Variants in ESRRG observed in about 807,000 individuals in gnomAD.
ESRRG encodes the protein estrogen related receptor gamma.
In ESRRG, 13 loss-of-function variants were observed where a neutral mutation model predicts 44.0. The ratio of observed to expected loss-of-function variants is 0.30; its 90% CI spans 0.19 to 0.47. The LOEUF (loss-of-function observed/expected upper bound fraction) is 0.47. Among genes scored for constraint, ESRRG ranks in the 20% least tolerant of loss-of-function variants. ESRRG has a pLI of 1.00. For missense variants in ESRRG, 395 were observed against 580.6 expected (o/e 0.68, Z 3.29); for synonymous variants, 215 against 214.6 (o/e 1.00, Z -0.02).
At chr1:216,643,319 A>G (rs1238550298) in intron 3 of ESRRG, among the ~76,000 whole-genome samples, 1 of 152,198 alleles carries the variant, frequency 6.6e-6, no homozygotes, top group Non-Finnish European at 1.5e-5. Context: ...CTGTGTTGAG[A>G]TCACTCAGAA....
At chr1:216,580,726 A>T (rs747698771) in intron 3 of ESRRG, among the ~76,000 whole-genome samples, 3 of 152,220 alleles carry the variant, frequency 2.0e-5, no homozygotes, top group Non-Finnish European at 1.5e-5. Flanking sequence ...GTACTTAAAA[A>T]GATGGAATTG....
At chr1:217,091,585 G>A (rs2092346572), upstream of ESRRG, among the ~76,000 whole-genome samples, 1 of 152,332 alleles carries the variant, frequency 6.6e-6, no homozygotes, top group South Asian at 2.1e-4. Flanking sequence ...ACTATTGACT[G>A]ATGGCCAGAT....
chr1:216,798,806 G>A lies in ESRRG; in HGVS notation c.-13-121315C>T, dbSNP rs187490310. Reference sequence around the variant, plus strand: ...CCTTAGTTTCTTCATCTTTACAAGCGGGATAATAATACACCTACCTATGGA... The same window carrying A: ...CCTTAGTTTCTTCATCTTTACAAGCAGGATAATAATACACCTACCTATGGA... On this transcript the variant is annotated intron_variant, in intron 2 of 7. Transcript: ENST00000359162. Among the ~76,000 whole-genome samples, 212 of 152,188 alleles carry A rather than the reference G, an allele frequency of 1.4e-3. 1 individual carries two copies. The highest frequency in any genetic ancestry group is 4.7e-3 in the African/African-American group (195 of 41,526).
chr1:217,105,470 G>A (rs190160740), intron 1 of ESRRG, among the ~76,000 whole-genome samples: 1 of 152,150 alleles, frequency 6.6e-6, no homozygotes, highest in Non-Finnish European at 1.5e-5. Context: ...GGATCGAGCT[G>A]TTCATCTCCC....
intron 1 of ESRRG, among the ~76,000 whole-genome samples, chr1:217,110,560 C>T (rs1580602298): frequency 6.6e-6 from 1 of 152,044 alleles, no homozygotes; most frequent in East Asian, 1.9e-4. Context: ...TCTAGGGAAG[C>T]CTTAAGAAGC....
intron 1 of ESRRG, among the ~76,000 whole-genome samples, chr1:217,067,012 A>C (rs1348038440): frequency 6.6e-6 from 1 of 152,234 alleles, no homozygotes; most frequent in Non-Finnish European, 1.5e-5. Context: ...CCATTGCCTA[A>C]CAGGAACAGT....
At chr1:216,578,763 A>T (rs1032851580) in intron 3 of ESRRG, among the ~76,000 whole-genome samples, 2 of 152,148 alleles carry the variant, frequency 1.3e-5, no homozygotes, top group African/African-American at 4.8e-5. Flanking sequence ...TTCTGTAGAA[A>T]TTCAGAAATT....
At chr1:217,001,997 ATT>A (rs34955630) in intron 1 of ESRRG, among the ~76,000 whole-genome samples, 20 of 150,532 alleles carry the variant, frequency 1.3e-4, no homozygotes, top group African/African-American at 3.9e-4. Flanking sequence ...CACCATTATA[ATT>A]TTTTTTTTAA....
At chr1:216,560,589 A>G (rs993395644) in intron 5 of ESRRG, among the ~76,000 whole-genome samples, 1 of 152,138 alleles carries the variant, frequency 6.6e-6, no homozygotes, top group African/African-American at 2.4e-5. Context: ...ATTTTAATCA[A>G]CCAAAAAGAA....
intron 1 of ESRRG, among the ~76,000 whole-genome samples, chr1:217,034,019 T>C (rs1326465533): frequency 6.6e-6 from 1 of 152,160 alleles, no homozygotes; most frequent in Non-Finnish European, 1.5e-5. Flanking sequence ...ACTGGCTTGA[T>C]TTTTGACTGC....
chr1:216,909,255 C>CAA (rs2060041464), intron 2 of ESRRG, among the ~76,000 whole-genome samples: 1 of 152,132 alleles, frequency 6.6e-6, no homozygotes, highest in Admixed American at 6.5e-5. Flanking sequence ...AAATCTCAAT[C>CAA]AAAAGCACAT....
chr1:216,928,310 C>A (rs1207730949), intron 2 of ESRRG, among the ~76,000 whole-genome samples: 1 of 152,144 alleles, frequency 6.6e-6, no homozygotes, highest in Non-Finnish European at 1.5e-5. Context: ...CCAGTGTCTC[C>A]TCTCAGAGGA....
chr1:216,784,776 T>G (rs1351699726), intron 2 of ESRRG, among the ~76,000 whole-genome samples: 1 of 152,084 alleles, frequency 6.6e-6, no homozygotes, highest in African/African-American at 2.4e-5. Context: ...TTGGTTAGTC[T>G]CTGTGTTATT....
intron 3 of ESRRG, among the ~76,000 whole-genome samples, chr1:216,586,480 T>C (rs1053516687): frequency 1.3e-5 from 2 of 152,022 alleles, no homozygotes; most frequent in African/African-American, 4.8e-5. Flanking sequence ...ATTTCCGAAA[T>C]ATAATATGTA....
chr1:216,811,234 G>A (rs182657998), intron 2 of ESRRG, among the ~76,000 whole-genome samples: 11 of 151,744 alleles, frequency 7.2e-5, no homozygotes, highest in African/African-American at 1.2e-4. Flanking sequence ...TCATTTAGTC[G>A]TTATCATCTC....
chr1:216,912,222 A>G lies in ESRRG; in HGVS notation c.-14+27360T>C, dbSNP rs199593204. 1.0e-3 allele frequency among the ~76,000 whole-genome samples: 42 copies of G among 41,900 alleles called. No homozygotes were observed. In the South Asian group the frequency reaches 0.01, roughly 10 times the overall value. 27.5% of individuals were successfully genotyped at this position (41,900 alleles called of 152,430 possible). A position where few individuals can be genotyped will look rare whatever the true frequency, so the allele number is the denominator to read the frequency against. On this transcript the variant is annotated intron_variant, in intron 2 of 7. Coordinates refer to the ESRRG transcript ENST00000359162. ...AGAGGAGAGGAGAGGAGAGGAGAGGAGAGGAGAGGAGAGGAGAGGAGAGGA... is the reference window on the plus strand; with the variant it reads ...AGAGGAGAGGAGAGGAGAGGAGAGGGGAGGAGAGGAGAGGAGAGGAGAGGA...
At chr1:216,542,574 T>C (rs1051110931) in intron 5 of ESRRG, among the ~76,000 whole-genome samples, 2 of 152,014 alleles carry the variant, frequency 1.3e-5, no homozygotes, top group Non-Finnish European at 2.9e-5. Flanking sequence ...AAAACTATTA[T>C]TTTGTAGCAT....
intron 3 of ESRRG, among the ~76,000 whole-genome samples, chr1:216,647,709 C>T (rs1197789102): frequency 3.3e-5 from 5 of 152,112 alleles, no homozygotes; most frequent in African/African-American, 4.8e-5. Context: ...ATAGAAATGC[C>T]AGTCAATAAA....
At chr1:216,708,527 C>T (rs148895055) in intron 1 of ESRRG, among the ~76,000 whole-genome samples, 2 of 152,082 alleles carry the variant, frequency 1.3e-5, no homozygotes, top group Non-Finnish European at 2.9e-5. Context: ...CCATCTCACG[C>T]CAGCTACAAT....
Sources: gnomAD v4.1 joint callset for allele counts (sites outside exome capture counted in the v4.1 genomes callset) on GRCh38, gnomAD v4.1.1 for gene constraint, MANE v1.5 for transcripts, NCBI Gene and HGNC (gene_info 2026-07-23, HGNC 2026-07-21) for gene names.